WDFY2: variants seen among roughly 807,000 people sequenced by gnomAD.
WDFY2 encodes WD repeat and FYVE domain containing 2.
In WDFY2, 36 loss-of-function variants were observed where a neutral mutation model predicts 56.4. The ratio of observed to expected loss-of-function variants is 0.64; its 90% confidence interval spans 0.49 to 0.84. The LOEUF is 0.84. Ranked by LOEUF, WDFY2 falls within the 40% of genes least tolerant of loss-of-function variation. The probability of loss-of-function intolerance (pLI) is 0.00; values close to 1 mark genes in which losing one functional copy is unlikely to be tolerated. For missense variants in WDFY2, 444 were observed against 512.2 expected (o/e 0.87, Z 1.29); for synonymous variants, 176 against 183.7 (o/e 0.96, Z 0.34).
In WDFY2 at chr13:51,584,645, C is replaced by G; in HGVS notation, c.-43C>G. On this transcript the variant is annotated 5_prime_UTR_variant, in exon 1 of 12. Coordinates refer to ENST00000298125, the MANE Select transcript of WDFY2 (RefSeq NM_052950.4). ...CAGCAGTCTCCTCAGCCCGGCCCCG[C>G]GGCGCGGTTGGCGGCGGCGCCCCAG... 1 of 1,587,588 alleles carries G rather than the reference C, an allele frequency of 6.3e-7. No individual in the cohort carries two copies. Among genetic ancestry groups the G allele is most frequent in the Non-Finnish European group, 8.5e-7 (1 of 1,169,814 alleles).
intron 3 of WDFY2, among the ~76,000 whole-genome samples, chr13:51,696,684 A>G (rs942106142): frequency 3.3e-5 from 5 of 152,242 alleles, no homozygotes; most frequent in African/African-American, 1.2e-4. Context: ...AATTAATTCC[A>G]GGAGCATGAA....
chr13:51,629,348 T>G (rs944971967), intron 1 of WDFY2, among the ~76,000 whole-genome samples: 3 of 152,244 alleles, frequency 2.0e-5, no homozygotes, highest in Non-Finnish European at 2.9e-5. Flanking sequence ...GCAATTGATA[T>G]AACCATGTGT....
intron 10 of WDFY2, among the ~76,000 whole-genome samples, chr13:51,757,342 A>G (rs1953418729): frequency 6.6e-6 from 1 of 152,232 alleles, no homozygotes; most frequent in South Asian, 2.1e-4. Flanking sequence ...GTAGCTAAAG[A>G]CATAGACTTT....
At chr13:51,734,723 A>G (rs1032744587) in intron 6 of WDFY2, among the ~76,000 whole-genome samples, 2 of 152,242 alleles carry the variant, frequency 1.3e-5, no homozygotes, top group African/African-American at 4.8e-5. Context: ...AAGAATAACT[A>G]GAAAACTTTA....
rs1423536584 is a variant in WDFY2, at chr13:51,738,960, A to G, written c.599-89A>G. 4 of 1,342,056 alleles carry G rather than the reference A, an allele frequency of 3.0e-6. No homozygotes were observed. In the African/African-American group the frequency reaches 4.5e-5, roughly 15 times the overall value. The allele number at this position is 1,342,056 out of a possible 1,614,324, so 83.1% of individuals were successfully genotyped here. On this transcript the variant is annotated intron_variant, in intron 6 of 11. Transcript: ENST00000298125. The stretch of plus-strand genomic sequence containing the variant: ...GAATTTATTGTATGCCAGGAACTGC[A>G]CTAGGTTCTGTCTCCGCTGCATTCA...
chr13:51,731,909 GT>G (rs2138666985), intron 6 of WDFY2, among the ~76,000 whole-genome samples: 1 of 152,304 alleles, frequency 6.6e-6, no homozygotes, highest in African/African-American at 2.4e-5. Context: ...ATACAAAAAT[GT>G]GGGTTAATGA....
chr13:51,704,542 A>G (rs1952046036), intron 4 of WDFY2, among the ~76,000 whole-genome samples: 1 of 152,180 alleles, frequency 6.6e-6, no homozygotes. Flanking sequence ...TGTTGGACCT[A>G]CAGAAACTGA....
At chr13:51,758,942 G>C (rs973115568) in intron 11 of WDFY2, among the ~76,000 whole-genome samples, 2 of 152,170 alleles carry the variant, frequency 1.3e-5, no homozygotes, top group Non-Finnish European at 2.9e-5. Context: ...CCAGCCCTTT[G>C]GGAGGTGAGA....
In WDFY2 at chr13:51,710,079, CT is replaced by C. The variant is rs567008081; in HGVS notation, c.334+6431del. ...CCGAATCCAGCAGCATATCAAAAAGCTTATCCACCACGATCAAGTAGGCTTC... is the reference window on the plus strand; with the variant it reads ...CCGAATCCAGCAGCATATCAAAAAGCTATCCACCACGATCAAGTAGGCTTC... On this transcript the variant is annotated intron_variant, in intron 4 of 11. Coordinates refer to ENST00000298125, the MANE Select transcript of WDFY2 (RefSeq NM_052950.4). Among the ~76,000 whole-genome samples the C allele has an allele frequency of 4.9e-3, 752 of 152,286 alleles. 5 individuals carry two copies. Among genetic ancestry groups the C allele is most frequent in the African/African-American group, 0.014 (591 of 41,546 alleles).
intron 1 of WDFY2, among the ~76,000 whole-genome samples, chr13:51,593,239 G>T (rs1037950625): frequency 6.6e-6 from 1 of 151,878 alleles, no homozygotes; most frequent in Non-Finnish European, 1.5e-5. Context: ...TATATACTTG[G>T]CCTCTGATCT....
intron 1 of WDFY2, among the ~76,000 whole-genome samples, chr13:51,615,224 C>T (rs1180865568): frequency 6.6e-6 from 1 of 151,566 alleles, no homozygotes; most frequent in Non-Finnish European, 1.5e-5. Context: ...AGATTAAAAG[C>T]CTCAAATAAT....
intron 3 of WDFY2, among the ~76,000 whole-genome samples, chr13:51,678,152 T>C (rs992936136): frequency 6.6e-6 from 1 of 152,186 alleles, no homozygotes; most frequent in Non-Finnish European, 1.5e-5. Context: ...GCCCTACCAA[T>C]TGAAATTAGT....
At chr13:51,673,387 G>T (rs983633659) in intron 2 of WDFY2, among the ~76,000 whole-genome samples, 2 of 152,134 alleles carry the variant, frequency 1.3e-5, no homozygotes, top group Non-Finnish European at 2.9e-5. Flanking sequence ...GCCCCTTGAG[G>T]CTGCAATCGA....
At chr13:51,656,794 C>T (rs1336547951) in intron 1 of WDFY2, among the ~76,000 whole-genome samples, 1 of 151,930 alleles carries the variant, frequency 6.6e-6, no homozygotes, top group African/African-American at 2.4e-5. Flanking sequence ...TCACTATACC[C>T]ACCTAGCTCT....
At chr13:51,690,692 G>A (rs1393242715) in intron 3 of WDFY2, among the ~76,000 whole-genome samples, 2 of 152,026 alleles carry the variant, frequency 1.3e-5, no homozygotes, top group Non-Finnish European at 2.9e-5. Flanking sequence ...ATGATTTATA[G>A]TCCTTTGGGT....
chr13:51,668,356 T>C (rs920276166), intron 2 of WDFY2, among the ~76,000 whole-genome samples: 6 of 152,190 alleles, frequency 3.9e-5, no homozygotes, highest in African/African-American at 1.4e-4. Context: ...TTAAAACTTG[T>C]CTGGGAGTGA....
At position 51,755,478 on chromosome 13, in the gene WDFY2, T is replaced by TCATC. The variant is rs971478510; in HGVS notation, c.933+20_933+23dup. ...AAGACAGGTGAGTGATATGGATGCT[T>TCATC]CATCAAAATGTAATTATATGGAAAT... On this transcript the variant is annotated intron_variant, in intron 9 of 11. Coordinates refer to ENST00000298125, the MANE Select transcript of WDFY2 (RefSeq NM_052950.4). The TCATC allele has an allele frequency of 1.2e-6, 2 of 1,603,930 alleles. No individual in the cohort carries two copies. Among genetic ancestry groups the TCATC allele is most frequent in the African/African-American group, 2.7e-5 (2 of 74,760 alleles).
Position 51,750,539 on chromosome 13 carries a change from A to AG in WDFY2, c.726-771_726-770insG, listed in dbSNP as rs558493912. On this transcript the variant is annotated intron_variant, in intron 7 of 11. Transcript: ENST00000298125. ...TGAGCTCAAAATAGACGAACATACA[A>AG]AAAAAAAAAAAAGACCAAGAAACTA... 4.5e-4 allele frequency among the ~76,000 whole-genome samples: 67 copies of AG among 149,918 alleles called. 1 individual carries two copies. The highest frequency in any genetic ancestry group is 1.6e-3 in the African/African-American group (65 of 40,984).
intron 3 of WDFY2, among the ~76,000 whole-genome samples, chr13:51,676,923 T>G (rs1354341054): frequency 6.6e-6 from 1 of 152,224 alleles, no homozygotes; most frequent in South Asian, 2.1e-4. Flanking sequence ...CCAACAGTTA[T>G]AGGATAGTTT....
Sources: allele counts gnomAD v4.1 joint callset (sites outside exome capture counted in the v4.1 genomes callset), GRCh38; gene constraint gnomAD v4.1.1; transcripts MANE v1.5; gene names NCBI Gene and HGNC (gene_info 2026-07-23, HGNC 2026-07-21).